Variants in OPCML observed in about 807,000 individuals in gnomAD.
OPCML encodes the protein opioid binding protein/cell adhesion molecule like, also known as opioid-binding protein/cell adhesion molecule.
A neutral mutation model predicts 37.8 loss-of-function variants in OPCML; 13 were observed. The ratio of observed to expected loss-of-function variants is 0.34; its 90% CI spans 0.22 to 0.55. The LOEUF (loss-of-function observed/expected upper bound fraction) is 0.55. Ranked by LOEUF, OPCML falls within the 20% of genes least tolerant of loss-of-function variation. OPCML has a pLI of 0.91. For missense variants in OPCML, 341 were observed against 435.6 expected, an observed-to-expected ratio of 0.78 and a Z score of 1.93; for synonymous variants, 176 against 168.8, an observed-to-expected ratio of 1.04 and a Z score of -0.33.
At chr11:132,724,066 G>T (rs988662932) in intron 2 of OPCML, among the ~76,000 whole-genome samples, 1 of 151,036 alleles carries the variant, frequency 6.6e-6, no homozygotes, top group South Asian at 2.1e-4. Flanking sequence ...CTGTCAGAGT[G>T]GCATAGGGAA....
chr11:132,623,250 T>C (rs1463486974), intron 3 of OPCML, among the ~76,000 whole-genome samples: 1 of 151,992 alleles, frequency 6.6e-6, no homozygotes, highest in Admixed American at 6.6e-5. Flanking sequence ...TGTGACTACC[T>C]ATCAAATATG....
chr11:132,543,578 A>T (rs1345520386), intron 3 of OPCML, among the ~76,000 whole-genome samples: 1 of 152,204 alleles, frequency 6.6e-6, no homozygotes, highest in Non-Finnish European at 1.5e-5. Flanking sequence ...CCATTAATTT[A>T]GTATTTCCAC....
intron 1 of OPCML, among the ~76,000 whole-genome samples, chr11:133,436,049 A>G (rs1412056469): frequency 1.3e-5 from 2 of 152,208 alleles, no homozygotes; most frequent in East Asian, 3.9e-4. Flanking sequence ...ACAAACAAAC[A>G]TATACACAAA....
intron 2 of OPCML, among the ~76,000 whole-genome samples, chr11:132,668,413 AT>A (rs1355860828): frequency 6.6e-6 from 1 of 152,226 alleles, no homozygotes; most frequent in Non-Finnish European, 1.5e-5. Context: ...TAAGATAAGC[AT>A]TTTGTTTAAC....
chr11:133,167,898 A>G (rs1950233943), intron 1 of OPCML, among the ~76,000 whole-genome samples: 1 of 152,102 alleles, frequency 6.6e-6, no homozygotes, highest in Non-Finnish European at 1.5e-5. Context: ...ATTCCTATCT[A>G]TCTTTCAGTT....
intron 3 of OPCML, among the ~76,000 whole-genome samples, chr11:132,619,683 C>A (rs1294378739): frequency 6.6e-5 from 9 of 135,516 alleles, no homozygotes; most frequent in Non-Finnish European, 7.8e-5. Flanking sequence ...CTGAAAATAC[C>A]AAAAAAAAAA....
rs551501266 is a variant in OPCML at position 132,482,360 on chromosome 11, A to T, written c.506-45001T>A. On this transcript the variant is annotated intron_variant, in intron 4 of 7. Coordinates refer to ENST00000524381, the MANE Select transcript of OPCML (RefSeq NM_001012393.5). ...TCCTTGACACATACACTCTCCCAAG[A>T]CTAAACCAGGAAGAAGTTGAATCTC... is the stretch of plus-strand genomic sequence containing the variant. Among the ~76,000 whole-genome samples the T allele has an allele frequency of 1.2e-3, 176 of 152,040 alleles. 1 individual carries two copies. The highest frequency in any genetic ancestry group is 4.0e-3 in the African/African-American group (166 of 41,418).
intron 3 of OPCML, among the ~76,000 whole-genome samples, chr11:132,628,448 G>A (rs962034213): frequency 6.6e-6 from 1 of 152,052 alleles, no homozygotes; most frequent in Non-Finnish European, 1.5e-5. Context: ...TGGCATCTGG[G>A]GTCTTGCTGA....
In OPCML at chr11:132,688,822, C is replaced by A. The variant is rs1307290593; in HGVS notation, c.147-31503G>T. 3.4e-4 allele frequency among the ~76,000 whole-genome samples: 31 copies of A among 91,464 alleles called. 11 individuals are homozygous for A. The Admixed American group carries it at 3.7e-3, about 11-fold the overall frequency. 60.0% of individuals were successfully genotyped at this position (91,464 alleles called of 152,430 possible). On this transcript the variant is annotated intron_variant, in intron 2 of 7. Transcript: ENST00000524381. ...AAAATTAGCCGGGCGCGGTGGCGGG[C>A]GCCTGTAGTCCCAGCTACTCGGGAG...
chr11:132,877,831 A>T (rs1943077180), intron 2 of OPCML, among the ~76,000 whole-genome samples: 1 of 152,250 alleles, frequency 6.6e-6, no homozygotes, highest in Non-Finnish European at 1.5e-5. Context: ...AGAGCAACGT[A>T]AATTACTATT....
At chr11:132,686,495 TCA>T (rs1189542744) in intron 2 of OPCML, among the ~76,000 whole-genome samples, 1 of 152,208 alleles carries the variant, frequency 6.6e-6, no homozygotes, top group Non-Finnish European at 1.5e-5. Flanking sequence ...TTTCTACTCT[TCA>T]AATCCCTTCT....
chr11:133,115,405 C>T (rs1218011914), intron 1 of OPCML, among the ~76,000 whole-genome samples: 1 of 152,172 alleles, frequency 6.6e-6, no homozygotes, highest in Non-Finnish European at 1.5e-5. Context: ...TTCCGAGGAA[C>T]CGATCTCCCC....
intron 1 of OPCML, among the ~76,000 whole-genome samples, chr11:133,391,184 C>G (rs148762421): frequency 4.3e-4 from 66 of 152,298 alleles, no homozygotes; most frequent in Non-Finnish European, 7.5e-4. Flanking sequence ...ACACGTGGCC[C>G]TGCTGAGCAT....
chr11:133,088,493 A>G (rs1027956128), intron 1 of OPCML, among the ~76,000 whole-genome samples: 1 of 152,210 alleles, frequency 6.6e-6, no homozygotes, highest in African/African-American at 2.4e-5. Flanking sequence ...GCCCTCGCCA[A>G]TATCTTCCAA....
At chr11:133,166,575 A>G (rs897206130) in intron 1 of OPCML, among the ~76,000 whole-genome samples, 25 of 152,264 alleles carry the variant, frequency 1.6e-4, no homozygotes, top group Non-Finnish European at 8.8e-5. Context: ...GGGAGTAGAG[A>G]TGGGGATGAC....
intron 1 of OPCML, among the ~76,000 whole-genome samples, chr11:133,320,213 G>A (rs888924963): frequency 2.0e-5 from 3 of 152,118 alleles, no homozygotes; most frequent in Non-Finnish European, 4.4e-5. Flanking sequence ...TCAATATTTG[G>A]TTAATTGAAT....
chr11:132,564,436 G>C (rs1443082566), intron 3 of OPCML, among the ~76,000 whole-genome samples: 6 of 152,204 alleles, frequency 3.9e-5, no homozygotes, highest in African/African-American at 1.2e-4. Context: ...TCAGCAATCA[G>C]AGAACACATC....
chr11:132,899,075 T>C (rs1943955653), intron 2 of OPCML, among the ~76,000 whole-genome samples: 1 of 152,122 alleles, frequency 6.6e-6, no homozygotes, highest in Non-Finnish European at 1.5e-5. Context: ...CAGGGAGGAC[T>C]ACTAATGACC....
At chr11:132,497,514 G>A (rs1217751304) in intron 4 of OPCML, among the ~76,000 whole-genome samples, 1 of 152,104 alleles carries the variant, frequency 6.6e-6, no homozygotes, top group Non-Finnish European at 1.5e-5. Flanking sequence ...TTTATGGGCG[G>A]TGATCAGAAA....
Sources: allele counts gnomAD v4.1 joint callset (sites outside exome capture counted in the v4.1 genomes callset), GRCh38; gene constraint gnomAD v4.1.1; transcripts MANE v1.5; gene names NCBI Gene and HGNC (gene_info 2026-07-23, HGNC 2026-07-21).